Variants in SCAPER observed in about 807,000 individuals in gnomAD.
SCAPER encodes S phase cyclin A-associated protein in the endoplasmic reticulum.
SCAPER carries 98 observed loss-of-function variants against 182.2 expected under a neutral mutation model. That is an observed-to-expected ratio of 0.54 (90% CI 0.46 to 0.64). SCAPER has a LOEUF of 0.64. SCAPER is among the 30% of genes least tolerant of loss of function. The pLI, the probability that SCAPER is intolerant of heterozygous loss-of-function variation, is 0.00. For synonymous variants in SCAPER, 605 were observed against 564.6 expected, an observed-to-expected ratio of 1.07 and a Z score of -1.01; for missense variants, 1,432 against 1,690.0, an observed-to-expected ratio of 0.85 and a Z score of 2.68.
intron 23 of SCAPER, among the ~76,000 whole-genome samples, chr15:76,569,226 C>A (rs1258654274): frequency 6.6e-6 from 1 of 152,114 alleles, no homozygotes; most frequent in Non-Finnish European, 1.5e-5. Context: ...AAATTCCATT[C>A]TATTCCTGGT....
intron 5 of SCAPER, among the ~76,000 whole-genome samples, chr15:76,811,877 TA>T (rs1400585520): frequency 6.6e-6 from 1 of 151,752 alleles, no homozygotes; most frequent in Non-Finnish European, 1.5e-5. Context: ...CTTGTAGCTA[TA>T]AATACCTATA....
intron 29 of SCAPER, among the ~76,000 whole-genome samples, chr15:76,375,911 G>T (rs2141890661): frequency 6.6e-6 from 1 of 152,278 alleles, no homozygotes; most frequent in Middle Eastern, 3.4e-3. Flanking sequence ...CTTGAACCTG[G>T]GAGGCAGAGG....
chr15:76,476,313 G>A (rs1247711940), intron 24 of SCAPER, among the ~76,000 whole-genome samples: 1 of 152,190 alleles, frequency 6.6e-6, no homozygotes, highest in Non-Finnish European at 1.5e-5. Context: ...ACTTGTGCTG[G>A]CCTCAGAAGG....
chr15:76,606,771 T>C (rs981984263), intron 22 of SCAPER, among the ~76,000 whole-genome samples: 13 of 152,020 alleles, frequency 8.6e-5, no homozygotes, highest in African/African-American at 3.1e-4. Flanking sequence ...CATTATGTAA[T>C]GGCCTTCTTT....
chr15:76,368,281 G>T (rs142757737), intron 29 of SCAPER, among the ~76,000 whole-genome samples: 1,626 of 152,276 alleles, frequency 0.011, 39 homozygotes, highest in African/African-American at 0.037. Flanking sequence ...GTTTGAGCAG[G>T]AATTAAGCCA....
At chr15:76,873,867 G>A (rs564560300) in intron 2 of SCAPER, among the ~76,000 whole-genome samples, 11 of 151,910 alleles carry the variant, frequency 7.2e-5, no homozygotes, top group Non-Finnish European at 1.3e-4. Context: ...CCATGTGTTT[G>A]GAAGTTAAGC....
chr15:76,424,758 G>A (rs771545338), intron 26 of SCAPER, among the ~76,000 whole-genome samples: 24 of 152,180 alleles, frequency 1.6e-4, no homozygotes, highest in Non-Finnish European at 2.9e-4. Flanking sequence ...GCTGGTCCCG[G>A]TTGTTCCTTT....
intron 29 of SCAPER, among the ~76,000 whole-genome samples, chr15:76,370,783 T>C (rs1296453951): frequency 6.6e-6 from 1 of 152,194 alleles, no homozygotes; most frequent in East Asian, 1.9e-4. Flanking sequence ...AGGCTTTCTA[T>C]CTGCTAAATT....
At chr15:76,757,031 A>AGTGATCC (rs2062479103) in intron 14 of SCAPER, among the ~76,000 whole-genome samples, 1 of 151,916 alleles carries the variant, frequency 6.6e-6, no homozygotes. Flanking sequence ...CACTTACCCA[A>AGTGATCC]ACTTGATCAT....
rs1379912027 is a variant in SCAPER at position 76,607,045 on chromosome 15, T to C, written c.2711+14719A>G. On this transcript the variant is annotated intron_variant, in intron 22 of 31. Transcript: ENST00000563290. ...AAAGTTAATATTGTTATGTGTGAAT[T>C]TGATCCTGTCATTATGATGTTAGCT... 4.6e-5 allele frequency among the ~76,000 whole-genome samples: 7 copies of C among 152,344 alleles called. No homozygotes were observed. In the East Asian group the frequency reaches 1.3e-3, roughly 29 times the overall value.
intron 21 of SCAPER, among the ~76,000 whole-genome samples, chr15:76,649,289 G>A (rs1349111473): frequency 6.6e-6 from 1 of 152,080 alleles, no homozygotes; most frequent in African/African-American, 2.4e-5. Context: ...AAAAGTAGCT[G>A]AGCATGGTGG....
At chr15:76,448,377 G>T (rs1227318806) in intron 25 of SCAPER, among the ~76,000 whole-genome samples, 1 of 151,864 alleles carries the variant, frequency 6.6e-6, no homozygotes, top group Non-Finnish European at 1.5e-5. Context: ...GTGAAGGGAG[G>T]GATGGTTTAA....
chr15:76,887,856 T>G (rs1053980242), intron 1 of SCAPER, among the ~76,000 whole-genome samples: 3 of 152,336 alleles, frequency 2.0e-5, no homozygotes, highest in African/African-American at 7.2e-5. Context: ...CCTCCTCACA[T>G]GGGTCCCTGA....
At chr15:76,681,226 T>C (rs761950859) in intron 20 of SCAPER, among the ~76,000 whole-genome samples, 4 of 152,184 alleles carry the variant, frequency 2.6e-5, no homozygotes, top group Non-Finnish European at 5.9e-5. Context: ...CCTAACCCTA[T>C]AAACAAAAGG....
intron 5 of SCAPER, among the ~76,000 whole-genome samples, chr15:76,810,546 A>G (rs1212433578): frequency 8.6e-6 from 1 of 116,232 alleles, no homozygotes; most frequent in Non-Finnish European, 1.8e-5. Context: ...TACAAAAAAA[A>G]AAAACCACAC....
chr15:76,774,935 C>G lies in SCAPER; in HGVS notation c.955G>C (p.Asp319His), dbSNP rs2063660658. 6.2e-7 allele frequency: 1 copy of G among 1,613,732 alleles called. No homozygotes were observed. Among genetic ancestry groups the G allele is most frequent in the East Asian group, 2.2e-5 (1 of 44,872 alleles). Residue 319 changes from aspartate to histidine, a missense_variant, in exon 9 of 32, where the codon GAT becomes CAT. Transcript: ENST00000563290. ...ESIQKGQFVG[D>H]GTSNTIESHP... ...GATTCTATAGTATTAGAAGTTCCAT[C>G]TCCAACAAATTGACCTTTCTGTATG...
At chr15:76,391,383 G>A (rs536863959) in intron 27 of SCAPER, among the ~76,000 whole-genome samples, 81 of 152,164 alleles carry the variant, frequency 5.3e-4, no homozygotes, top group Non-Finnish European at 1.0e-3. Context: ...CCATTAGACT[G>A]TAAATTTCAT....
At chr15:76,362,415 C>CA (rs1004084685) in intron 29 of SCAPER, among the ~76,000 whole-genome samples, 2 of 143,480 alleles carry the variant, frequency 1.4e-5, no homozygotes, top group African/African-American at 5.1e-5. Context: ...CTTGCTCCCT[C>CA]TTTTTTTTTT....
intron 22 of SCAPER, among the ~76,000 whole-genome samples, chr15:76,621,384 A>G (rs2052037317): frequency 6.6e-6 from 1 of 152,206 alleles, no homozygotes; most frequent in African/African-American, 2.4e-5. Flanking sequence ...AGATCTCCTC[A>G]GAGCAAGCAC....
Sources: allele counts gnomAD v4.1 joint callset (sites outside exome capture counted in the v4.1 genomes callset), GRCh38; gene constraint gnomAD v4.1.1; transcripts MANE v1.5; gene names NCBI Gene and HGNC (gene_info 2026-07-23, HGNC 2026-07-21).